NRCAM: variants seen among roughly 807,000 people sequenced by gnomAD.
NRCAM encodes neuronal cell adhesion molecule.
In NRCAM, 83 loss-of-function variants were observed where a neutral mutation model predicts 156.5. That is an observed-to-expected ratio of 0.53 (90% confidence interval 0.44 to 0.64). The LOEUF (loss-of-function observed/expected upper bound fraction) is 0.64, where lower values mean the gene tolerates loss of function less well. Ranked by LOEUF, NRCAM falls within the 30% of genes least tolerant of loss-of-function variation. The pLI is 0.00. For synonymous variants in NRCAM, 538 were observed against 563.9 expected (o/e 0.95, Z 0.65); for missense variants, 1,417 against 1,597.3 (o/e 0.89, Z 1.92).
At chr7:108,294,868 T>G (rs1287693923) in intron 3 of NRCAM, among the ~76,000 whole-genome samples, 1 of 152,148 alleles carries the variant, frequency 6.6e-6, no homozygotes, top group East Asian at 1.9e-4. Context: ...TGGTGCCAAG[T>G]TGTCTGCCCC....
At chr7:108,416,206 G>C (rs1801372553) in intron 1 of NRCAM, among the ~76,000 whole-genome samples, 1 of 152,218 alleles carries the variant, frequency 6.6e-6, no homozygotes. Flanking sequence ...TTTGAATGCT[G>C]CATTTGCTTT....
At chr7:108,327,691 T>C (rs1438766458) in intron 2 of NRCAM, among the ~76,000 whole-genome samples, 2 of 152,168 alleles carry the variant, frequency 1.3e-5, no homozygotes, top group African/African-American at 2.4e-5. Flanking sequence ...CATCCAATTA[T>C]GATATTTTTT....
chr7:108,308,376 A>G (rs1009277490), intron 3 of NRCAM, among the ~76,000 whole-genome samples: 1 of 152,214 alleles, frequency 6.6e-6, no homozygotes, highest in Non-Finnish European at 1.5e-5. Flanking sequence ...AGGAAAAGAA[A>G]TCAAATCCAG....
At chr7:108,351,654 G>A (rs1336070840) in intron 2 of NRCAM, among the ~76,000 whole-genome samples, 1 of 152,178 alleles carries the variant, frequency 6.6e-6, no homozygotes, top group African/African-American at 2.4e-5. Context: ...CCCATGGAGG[G>A]AGATACTGGA....
intron 2 of NRCAM, among the ~76,000 whole-genome samples, chr7:108,376,800 C>T (rs920435520): frequency 2.0e-5 from 3 of 152,128 alleles, no homozygotes; most frequent in African/African-American, 7.2e-5. Context: ...TACTGTTGAG[C>T]AACTCTTTCC....
chr7:108,174,200 T>G (rs394145), intron 28 of NRCAM, among the ~76,000 whole-genome samples: 91,660 of 152,128 alleles, frequency 0.6, 32,626 homozygotes, highest in East Asian at 0.84. Flanking sequence ...CTTCGTCAAG[T>G]CTAAAAACAC....
chr7:108,224,339 A>G (rs2093026499), intron 10 of NRCAM, among the ~76,000 whole-genome samples: 1 of 152,132 alleles, frequency 6.6e-6, no homozygotes, highest in Non-Finnish European at 1.5e-5. Context: ...TCATATTAAG[A>G]TCCTCAAACT....
At chr7:108,454,935 C>A (rs1246772206) in intron 1 of NRCAM, among the ~76,000 whole-genome samples, 2 of 152,208 alleles carry the variant, frequency 1.3e-5, no homozygotes, top group Non-Finnish European at 2.9e-5. Flanking sequence ...GCCCCTGATG[C>A]GAAGAAAAGG....
intron 29 of NRCAM, among the ~76,000 whole-genome samples, chr7:108,167,738 C>G (rs1366911598): frequency 6.6e-6 from 1 of 152,180 alleles, no homozygotes; most frequent in Non-Finnish European, 1.5e-5. Flanking sequence ...GCTGCCCCAT[C>G]TCCCAGTAGA....
intron 3 of NRCAM, among the ~76,000 whole-genome samples, chr7:108,294,288 C>A (rs2098408049): frequency 7.2e-6 from 1 of 138,446 alleles, no homozygotes; most frequent in Admixed American, 7.9e-5. Flanking sequence ...CCCACTTGGA[C>A]TTTCAGGAAC....
chr7:108,260,760 G>C (rs1170216937), intron 3 of NRCAM, among the ~76,000 whole-genome samples: 1 of 152,164 alleles, frequency 6.6e-6, no homozygotes, highest in East Asian at 1.9e-4. Flanking sequence ...AACAAGAGAT[G>C]GGGAGGCCGA....
intron 11 of NRCAM, among the ~76,000 whole-genome samples, chr7:108,217,095 G>GT (rs1563499939): frequency 6.6e-6 from 1 of 152,102 alleles, no homozygotes; most frequent in African/African-American, 2.4e-5. Flanking sequence ...CTTCATATGG[G>GT]TTTTTTGTGT....
chr7:108,174,693 G>A (rs1301618390), intron 28 of NRCAM, among the ~76,000 whole-genome samples: 1 of 152,242 alleles, frequency 6.6e-6, no homozygotes, highest in Non-Finnish European at 1.5e-5. Flanking sequence ...CTATTACTCA[G>A]GAGGAAGAGA....
At chr7:108,208,736 G>A (rs2082459101) in intron 12 of NRCAM, among the ~76,000 whole-genome samples, 1 of 152,100 alleles carries the variant, frequency 6.6e-6, no homozygotes, top group African/African-American at 2.4e-5. Flanking sequence ...TTTGTCTGAT[G>A]TTTTCTCATG....
chr7:108,336,297 G>A (rs894465952), intron 2 of NRCAM, among the ~76,000 whole-genome samples: 24 of 152,008 alleles, frequency 1.6e-4, no homozygotes, highest in Admixed American at 3.3e-4. Flanking sequence ...TCTGTTATTC[G>A]GTATGTTTGC....
chr7:108,203,380 T>C (rs955257172), intron 13 of NRCAM, among the ~76,000 whole-genome samples: 6 of 152,052 alleles, frequency 3.9e-5, no homozygotes, highest in Non-Finnish European at 8.8e-5. Flanking sequence ...GTCCTGGGGA[T>C]GGGGGAAGGG....
chr7:108,192,571 A>C (rs1465927171), intron 17 of NRCAM, among the ~76,000 whole-genome samples: 1 of 152,180 alleles, frequency 6.6e-6, no homozygotes, highest in African/African-American at 2.4e-5. Flanking sequence ...AGGGAGAGGA[A>C]GGAGCTTCCT....
At chr7:108,177,684 T>TATAC (rs2061396369) in intron 26 of NRCAM, among the ~76,000 whole-genome samples, 1 of 18,690 alleles carries the variant, frequency 5.4e-5, no homozygotes, top group African/African-American at 8.7e-5. Context: ...TATATATACG[T>TATAC]GTATATATAT....
intron 3 of NRCAM, among the ~76,000 whole-genome samples, chr7:108,271,057 C>A (rs2097326877): frequency 6.6e-6 from 1 of 152,038 alleles, no homozygotes; most frequent in Admixed American, 6.6e-5. Flanking sequence ...CATTAGAAAA[C>A]CCCCCACACA....
Sources: gnomAD v4.1 joint callset for allele counts (sites outside exome capture counted in the v4.1 genomes callset) on GRCh38, gnomAD v4.1.1 for gene constraint, MANE v1.5 for transcripts, NCBI Gene and HGNC (gene_info 2026-07-23, HGNC 2026-07-21) for gene names.